Variants in WWOX observed in about 807,000 individuals in gnomAD.
WWOX encodes WW domain-containing oxidoreductase.
A neutral mutation model predicts 46.2 loss-of-function variants in WWOX; 69 were observed. That is an observed-to-expected ratio of 1.49 (90% CI 1.23 to 1.82). WWOX has a LOEUF of 1.82. WWOX is among the 40% of genes most tolerant of loss of function. The pLI, the probability that WWOX is intolerant of heterozygous loss-of-function variation, is 0.00. For synonymous variants in WWOX, 359 were observed against 202.6 expected (o/e 1.77, Z -6.56); for missense variants, 919 against 542.6 (o/e 1.69, Z -6.89).
chr16:78,444,919 G>T (rs575740396), intron 8 of WWOX, among the ~76,000 whole-genome samples: 2 of 152,194 alleles, frequency 1.3e-5, no homozygotes, highest in Non-Finnish European at 2.9e-5. Flanking sequence ...TTTGTTGGAA[G>T]TGATGGGGTT....
rs556031226 is a variant in WWOX, at chr16:79,160,850, G to A, written c.1057-50758G>A. Among the ~76,000 whole-genome samples, 9 of 151,488 alleles carry A rather than the reference G, an allele frequency of 5.9e-5. No homozygotes were observed. In the South Asian group the frequency reaches 6.3e-4, roughly 11 times the overall value. ...GACATGTATAGATGCATGTGTGTAC[G>A]TATACACGCACACATACATAAATTG... is the stretch of plus-strand genomic sequence containing the variant. On this transcript the variant is annotated intron_variant, in intron 8 of 8. Coordinates refer to ENST00000566780, the MANE Select transcript of WWOX (RefSeq NM_016373.4).
intron 8 of WWOX, among the ~76,000 whole-genome samples, chr16:78,949,712 G>C (rs1281452668): frequency 6.6e-6 from 1 of 152,190 alleles, no homozygotes; most frequent in Admixed American, 6.5e-5. Flanking sequence ...TCGTGCCATA[G>C]CTGTCCCTGA....
chr16:78,644,208 G>A (rs111856321), intron 8 of WWOX, among the ~76,000 whole-genome samples: 10,773 of 152,002 alleles, frequency 0.071, 474 homozygotes, highest in South Asian at 0.16. Context: ...GGCAACGAGC[G>A]AAACTCTGTC....
chr16:78,596,590 G>A (rs1309468297), intron 8 of WWOX, among the ~76,000 whole-genome samples: 2 of 152,198 alleles, frequency 1.3e-5, no homozygotes, highest in Non-Finnish European at 2.9e-5. Flanking sequence ...GGACCAGCCA[G>A]CTGAGGTAGA....
intron 8 of WWOX, among the ~76,000 whole-genome samples, chr16:78,513,665 T>G (rs1486098278): frequency 3.3e-5 from 5 of 152,328 alleles, no homozygotes; most frequent in Non-Finnish European, 7.3e-5. Context: ...AGAGGTGGTG[T>G]AAAAGGATTC....
intron 8 of WWOX, among the ~76,000 whole-genome samples, chr16:78,967,198 A>G (rs1025130054): frequency 1.3e-5 from 2 of 151,944 alleles, no homozygotes; most frequent in Non-Finnish European, 2.9e-5. Flanking sequence ...CTGGAAGGAA[A>G]GAGGAAAATG....
intron 8 of WWOX, chr16:78,898,909 C>G (rs543399662): frequency 2.0e-5 from 3 of 152,036 alleles, no homozygotes; most frequent in African/African-American, 7.2e-5. Context: ...TTTTTTCCAA[C>G]TGTTTGTTTC....
At position 78,680,702 on chromosome 16, in the gene WWOX, G is replaced by A. The variant is rs1022396909; in HGVS notation, c.1056+247950G>A. ...CCGGACACATCTAGTGGCTCCCACT[G>A]TGGGTAGCACATACAGAAAGAACGT... On this transcript the variant is annotated intron_variant, in intron 8 of 8. Coordinates refer to ENST00000566780, the MANE Select transcript of WWOX (RefSeq NM_016373.4). Among the ~76,000 whole-genome samples, 4 of 152,200 alleles carry A rather than the reference G, an allele frequency of 2.6e-5. No homozygotes were observed. The East Asian group carries it at 5.8e-4, about 22-fold the overall frequency.
At chr16:78,513,901 C>CG (rs56784508) in intron 8 of WWOX, among the ~76,000 whole-genome samples, 2 of 134,460 alleles carry the variant, frequency 1.5e-5, no homozygotes, top group Non-Finnish European at 3.0e-5. Flanking sequence ...CACTCCCCCC[C>CG]CCCCCACTTG....
Position 78,115,079 on chromosome 16 carries a change from A to C in WWOX, c.334A>C (p.Thr112Pro), listed in dbSNP as rs376308619. Residue 112 changes from threonine (T) to proline (P), a missense_variant, in exon 4 of 9, where the codon ACT becomes CCT. Physicochemically the swap from Thr to Pro is conservative, Grantham distance 38 (BLOSUM62 -1). Coordinates refer to ENST00000566780, the MANE Select transcript of WWOX (RefSeq NM_016373.4). The stretch of plus-strand genomic sequence containing the variant: ...CCGGCAAAGATACGACGGCAGCACC[A>C]CTGCCATGGAAATTCTCCAGGGCCG... ...TTRQRYDGST[T>P]AMEILQGRDF... 4 of 1,614,062 alleles carry C rather than the reference A, an allele frequency of 2.5e-6. No homozygotes were observed. The highest frequency in any genetic ancestry group is 3.4e-6 in the Non-Finnish European group (4 of 1,180,030).
At chr16:78,114,645 A>G (rs1457817185) in intron 3 of WWOX, among the ~76,000 whole-genome samples, 2 of 150,826 alleles carry the variant, frequency 1.3e-5, no homozygotes, top group East Asian at 3.9e-4. Context: ...GACAGATCTT[A>G]TAGCTACATT....
intron 8 of WWOX, among the ~76,000 whole-genome samples, chr16:78,509,853 C>T (rs557853691): frequency 4.0e-5 from 6 of 150,720 alleles, no homozygotes; most frequent in Admixed American, 1.3e-4. Flanking sequence ...TTTGGGAGGC[C>T]GAGGCAGGAG....
At chr16:79,088,804 C>T (rs181385282) in intron 8 of WWOX, among the ~76,000 whole-genome samples, 4 of 152,314 alleles carry the variant, frequency 2.6e-5, no homozygotes, top group African/African-American at 4.8e-5. Context: ...AAAGAGAATT[C>T]ATCGTCCACC....
At chr16:78,694,837 C>T (rs1389861219) in intron 8 of WWOX, among the ~76,000 whole-genome samples, 22 of 150,330 alleles carry the variant, frequency 1.5e-4, no homozygotes, top group African/African-American at 5.1e-4. Context: ...TTTTTTTTTC[C>T]GCTGCATTCT....
intron 8 of WWOX, among the ~76,000 whole-genome samples, chr16:78,625,535 G>A (rs558210890): frequency 8.9e-4 from 136 of 152,154 alleles, no homozygotes; most frequent in South Asian, 3.3e-3. Flanking sequence ...AAGTTCCCAT[G>A]TGTGTAACAG....
chr16:79,054,572 C>T (rs2048228038), intron 8 of WWOX, among the ~76,000 whole-genome samples: 1 of 152,100 alleles, frequency 6.6e-6, no homozygotes, highest in African/African-American at 2.4e-5. Flanking sequence ...CTGTAATCTC[C>T]ACACTTGGGG....
At chr16:78,759,848 G>C (rs1355662436) in intron 8 of WWOX, among the ~76,000 whole-genome samples, 1 of 152,146 alleles carries the variant, frequency 6.6e-6, no homozygotes. Context: ...CCTTAGGGGA[G>C]AGTCCATTCC....
intron 8 of WWOX, among the ~76,000 whole-genome samples, chr16:78,711,746 C>G (rs982948334): frequency 2.0e-5 from 3 of 152,172 alleles, no homozygotes; most frequent in Non-Finnish European, 2.9e-5. Flanking sequence ...TAGTGCTTTA[C>G]TATGAGTATT....
At chr16:78,773,885 C>T (rs1278793708) in intron 8 of WWOX, among the ~76,000 whole-genome samples, 1 of 152,172 alleles carries the variant, frequency 6.6e-6, no homozygotes, top group Non-Finnish European at 1.5e-5. Context: ...CATTCGCATA[C>T]TTGTATGGGA....
Sources: allele counts gnomAD v4.1 joint callset (sites outside exome capture counted in the v4.1 genomes callset), GRCh38; gene constraint gnomAD v4.1.1; transcripts MANE v1.5; gene names NCBI Gene and HGNC (gene_info 2026-07-23, HGNC 2026-07-21).